Variants in NME7 observed in about 807,000 individuals in gnomAD.
The protein encoded by NME7 is NME/NM23 family member 7.
In NME7, 41 loss-of-function variants were observed where a neutral mutation model predicts 49.1. The ratio of observed to expected loss-of-function variants is 0.83; its 90% CI spans 0.65 to 1.08. The LOEUF (loss-of-function observed/expected upper bound fraction) is 1.08. NME7 is among the 50% of genes least tolerant of loss of function. The pLI is 0.00. For missense variants in NME7, 423 were observed against 463.4 expected, an observed-to-expected ratio of 0.91 and a Z score of 0.80; for synonymous variants, 139 against 150.6, an observed-to-expected ratio of 0.92 and a Z score of 0.56.
intron 3 of NME7, among the ~76,000 whole-genome samples, chr1:169,315,766 C>T (rs900690999): frequency 2.0e-5 from 3 of 151,758 alleles, no homozygotes; most frequent in Admixed American, 2.0e-4. Context: ...AAATAATAAA[C>T]CAAAGAAGAC....
In NME7 at chr1:169,264,016, G is replaced by A. The variant is rs1056554550; in HGVS notation, c.754+23287C>T. On this transcript the variant is annotated intron_variant, in intron 7 of 11. Transcript: ENST00000367811. ...AGTCAAACTAAGCTTCAAAAGCAAA[G>A]GAAAAATAAGATCCTTTCAGACAAG... is the stretch of plus-strand genomic sequence containing the variant. Among the ~76,000 whole-genome samples, 2 of 132,862 alleles carry A rather than the reference G, an allele frequency of 1.5e-5. 1 individual carries two copies. The highest frequency in any genetic ancestry group is 3.5e-5 in the Non-Finnish European group (2 of 56,624). The allele number at this position is 132,862 out of a possible 152,430, so 87.2% of individuals were successfully genotyped here. A position where few individuals can be genotyped will look rare whatever the true frequency, so the allele number is the denominator to read the frequency against.
intron 7 of NME7, among the ~76,000 whole-genome samples, chr1:169,251,815 G>T (rs1459529397): frequency 6.7e-6 from 1 of 150,018 alleles, no homozygotes; most frequent in Non-Finnish European, 1.5e-5. Flanking sequence ...GCAGTGTTTG[G>T]TTTTTTGTTC....
At chr1:169,220,648 T>C (rs1338430277) in intron 10 of NME7, among the ~76,000 whole-genome samples, 1 of 152,160 alleles carries the variant, frequency 6.6e-6, no homozygotes, top group Admixed American at 6.5e-5. Context: ...TCAAAGAAAA[T>C]AAATTACTAA....
chr1:169,310,113 A>G (rs779708455), intron 3 of NME7, 33 bp from the exon 4 acceptor site: 20 of 1,280,426 alleles, frequency 1.6e-5, no homozygotes, highest in Non-Finnish European at 2.2e-5. Context: ...TTTGCAAATA[A>G]AAATAGTTCA....
chr1:169,341,345 A>G (rs997034161), intron 1 of NME7, among the ~76,000 whole-genome samples: 4 of 152,202 alleles, frequency 2.6e-5, no homozygotes, highest in Admixed American at 2.6e-4. Flanking sequence ...AGAAGACAAG[A>G]GCTGAGCTTT....
intron 7 of NME7, among the ~76,000 whole-genome samples, chr1:169,279,628 C>T (rs1649916221): frequency 6.6e-6 from 1 of 152,238 alleles, no homozygotes. Flanking sequence ...CTCCCTGACC[C>T]CTTGCACTTC....
intron 10 of NME7, among the ~76,000 whole-genome samples, chr1:169,189,435 A>C (rs2101760473): frequency 6.6e-6 from 1 of 152,310 alleles, no homozygotes; most frequent in African/African-American, 2.4e-5. Context: ...TGCAAGTCCT[A>C]CTTTAAAATC....
At chr1:169,262,763 T>C (rs1649204457) in intron 7 of NME7, among the ~76,000 whole-genome samples, 1 of 133,710 alleles carries the variant, frequency 7.5e-6, no homozygotes, top group Non-Finnish European at 1.8e-5. Context: ...AGAATCAACC[T>C]GGCTTCCCCA....
At chr1:169,191,439 A>C (rs1382036162) in intron 10 of NME7, among the ~76,000 whole-genome samples, 1 of 152,178 alleles carries the variant, frequency 6.6e-6, no homozygotes, top group Admixed American at 6.5e-5. Context: ...TGACCCTGAA[A>C]TGTGATACCT....
chr1:169,154,818 AT>A (rs1261735750), intron 11 of NME7, among the ~76,000 whole-genome samples: 1 of 151,722 alleles, frequency 6.6e-6, no homozygotes, highest in African/African-American at 2.4e-5. Flanking sequence ...AAAAATCAGA[AT>A]TTTCTACCTT....
At chr1:169,138,018 A>C (rs1027848883) in intron 11 of NME7, among the ~76,000 whole-genome samples, 13 of 152,230 alleles carry the variant, frequency 8.5e-5, no homozygotes, top group African/African-American at 2.7e-4. Context: ...GAAATGTTTT[A>C]AGACTAAATG....
intron 7 of NME7, among the ~76,000 whole-genome samples, chr1:169,277,510 C>T (rs1414019166): frequency 1.0e-5 from 1 of 96,956 alleles, no homozygotes; most frequent in Non-Finnish European, 2.2e-5. Flanking sequence ...GATTGCAACC[C>T]CTGCCTTTTT....
chr1:169,327,175 C>T (rs964477176), intron 1 of NME7, among the ~76,000 whole-genome samples: 1 of 152,168 alleles, frequency 6.6e-6, no homozygotes, highest in Admixed American at 6.5e-5. Flanking sequence ...CACATAGATA[C>T]ACCTTGAGTT....
At chr1:169,253,496 T>C in intron 7 of NME7, among the ~76,000 whole-genome samples, 1 of 152,098 alleles carries the variant, frequency 6.6e-6, no homozygotes. Flanking sequence ...TATACAATCA[T>C]GTCGCCTGCA....
intron 10 of NME7, among the ~76,000 whole-genome samples, chr1:169,185,703 G>T (rs1660045450): frequency 6.6e-6 from 1 of 152,110 alleles, no homozygotes; most frequent in African/African-American, 2.4e-5. Context: ...ATTTTATGTT[G>T]TCTGTCCCTC....
intron 3 of NME7, among the ~76,000 whole-genome samples, chr1:169,312,737 C>T (rs1272561874): frequency 6.6e-6 from 1 of 152,064 alleles, no homozygotes; most frequent in Non-Finnish European, 1.5e-5. Flanking sequence ...ATAAATGTCC[C>T]AGACAGTATA....
At chr1:169,216,329 A>G (rs1571298746) in intron 10 of NME7, among the ~76,000 whole-genome samples, 1 of 152,194 alleles carries the variant, frequency 6.6e-6, no homozygotes, top group African/African-American at 2.4e-5. Flanking sequence ...GTTAAAGCCA[A>G]TCATCAGTGG....
At chr1:169,193,746 T>C (rs1660296930) in intron 10 of NME7, among the ~76,000 whole-genome samples, 1 of 152,162 alleles carries the variant, frequency 6.6e-6, no homozygotes, top group African/African-American at 2.4e-5. Context: ...CCCCTCCTTC[T>C]GACTGTGATA....
At chr1:169,300,592 T>C (rs1650899300) in intron 5 of NME7, among the ~76,000 whole-genome samples, 1 of 152,166 alleles carries the variant, frequency 6.6e-6, no homozygotes, top group Admixed American at 6.6e-5. Context: ...ATCTGTTCTA[T>C]GTCAAGGAAC....
Sources: allele counts gnomAD v4.1 joint callset (sites outside exome capture counted in the v4.1 genomes callset), GRCh38; gene constraint gnomAD v4.1.1; transcripts MANE v1.5; gene names NCBI Gene and HGNC (gene_info 2026-07-23, HGNC 2026-07-21).